GLMN: variants seen among roughly 807,000 people sequenced by gnomAD.
GLMN encodes the protein glomulin, FKBP associated protein.
GLMN carries 75 observed loss-of-function variants against 87.8 expected under a neutral mutation model. That is an observed-to-expected ratio of 0.85 (90% CI 0.71 to 1.04). The LOEUF (loss-of-function observed/expected upper bound fraction) is 1.04, where lower values mean the gene tolerates loss of function less well. GLMN is among the 50% of genes least tolerant of loss of function. The pLI is 0.00. For missense variants in GLMN, 588 were observed against 658.8 expected (o/e 0.89, Z 1.18); for synonymous variants, 206 against 221.6 (o/e 0.93, Z 0.63).
intron 7 of GLMN, among the ~76,000 whole-genome samples, chr1:92,277,228 T>C (rs1250675132): frequency 6.6e-6 from 1 of 152,204 alleles, no homozygotes; most frequent in African/African-American, 2.4e-5. Flanking sequence ...CAGGCTCCCA[T>C]CATTGCTTAC....
the GLMN span, chr1:92,323,495 CA>C: frequency 6.2e-7 from 1 of 1,613,156 alleles, no homozygotes; most frequent in Non-Finnish European, 8.5e-7. Flanking sequence ...ATTAAAACAT[CA>C]GATATCGACA....
chr1:92,294,214 C>T (rs1193795199), intron 3 of GLMN, among the ~76,000 whole-genome samples: 1 of 151,994 alleles, frequency 6.6e-6, no homozygotes, highest in African/African-American at 2.4e-5. Context: ...CTCATGTACC[C>T]ATCAATATAT....
the GLMN span, among the ~76,000 whole-genome samples, chr1:92,316,514 G>C: frequency 6.6e-6 from 1 of 152,062 alleles, no homozygotes; most frequent in African/African-American, 2.4e-5. Context: ...GTTATTTCTA[G>C]TTTTAGATTT....
At chr1:92,280,870 G>T (rs973381114) in intron 7 of GLMN, among the ~76,000 whole-genome samples, 4 of 152,176 alleles carry the variant, frequency 2.6e-5, no homozygotes, top group Non-Finnish European at 5.9e-5. Flanking sequence ...GGGTATCAGT[G>T]ACTGAAGATC....
At chr1:92,279,626 G>T (rs1647736671) in intron 7 of GLMN, among the ~76,000 whole-genome samples, 1 of 152,156 alleles carries the variant, frequency 6.6e-6, no homozygotes, top group African/African-American at 2.4e-5. Context: ...GCAGCCCACG[G>T]AGGGCAAGCT....
chr1:92,273,878 G>A (rs1316224368), intron 7 of GLMN, among the ~76,000 whole-genome samples: 1 of 152,048 alleles, frequency 6.6e-6, no homozygotes, highest in African/African-American at 2.4e-5. Flanking sequence ...CCATCCAGCA[G>A]TCTTGCTCAG....
At position 92,266,487 on chromosome 1, in the gene GLMN, T is replaced by C. The variant is rs139706617; in HGVS notation, c.1146A>G (p.Lys382=). ...ACAGCTGAAGCATAGCTAAACTCTTTTTCCTCTAAAATGGAACAAACAATA... is the reference window on the plus strand; with the variant it reads ...ACAGCTGAAGCATAGCTAAACTCTTCTTCCTCTAAAATGGAACAAACAATA... ...MTLCPIETLR[K]KSLAMLQLYI... is the part of the protein sequence containing the mutation. The change falls in exon 13 of 19, where the codon AAA becomes AAG. Residue 382 remains lysine (K), a synonymous_variant. Transcript: ENST00000370360. The C allele has an allele frequency of 1.8e-5, 28 of 1,551,868 alleles. No individual in the cohort carries two copies. The African/African-American group carries it at 3.5e-4, about 20-fold the overall frequency.
chr1:92,281,700 T>C (rs1031863962), intron 7 of GLMN, among the ~76,000 whole-genome samples: 5 of 151,972 alleles, frequency 3.3e-5, no homozygotes, highest in African/African-American at 1.2e-4. Flanking sequence ...TCAAAACCCA[T>C]TGGTGTGCTG....
chr1:92,275,725 C>T (rs1341139520), intron 7 of GLMN, among the ~76,000 whole-genome samples: 1 of 152,206 alleles, frequency 6.6e-6, no homozygotes, highest in African/African-American at 2.4e-5. Context: ...CTAAATCCTA[C>T]AGATGCTTTT....
At chr1:92,284,107 T>C (rs376644088) in intron 7 of GLMN, among the ~76,000 whole-genome samples, 1 of 152,122 alleles carries the variant, frequency 6.6e-6, no homozygotes, top group South Asian at 2.1e-4. Flanking sequence ...CTTCACAGAA[T>C]TGGAAAAAAC....
At chr1:92,366,678 A>C in the GLMN span, among the ~76,000 whole-genome samples, 1 of 152,246 alleles carries the variant, frequency 6.6e-6, no homozygotes, top group South Asian at 2.1e-4. Context: ...AATTACTTTC[A>C]TGCTAAGGAG....
Position 92,256,390 on chromosome 1 carries a change from C to T in GLMN, c.1473+6473G>A, listed in dbSNP as rs904645302. Among the ~76,000 whole-genome samples, 4 of 152,290 alleles carry T rather than the reference C, an allele frequency of 2.6e-5. No homozygotes were observed. The East Asian group carries it at 7.7e-4, about 29-fold the overall frequency. On this transcript the variant is annotated intron_variant, in intron 16 of 18. Coordinates refer to ENST00000370360, the MANE Select transcript of GLMN (RefSeq NM_053274.3). ...ACAATAGAAAAAGAGGGACTCCTCC[C>T]TAACTCATTTTATGAGGCCAGCATC...
the GLMN span, among the ~76,000 whole-genome samples, chr1:92,361,470 A>G: frequency 6.6e-6 from 1 of 152,162 alleles, no homozygotes; most frequent in Non-Finnish European, 1.5e-5. Context: ...CATAGATTTG[A>G]TAACACTGGT....
chr1:92,292,409 CTTAT>C (rs1012055841), intron 3 of GLMN, among the ~76,000 whole-genome samples: 16 of 151,528 alleles, frequency 1.1e-4, no homozygotes, highest in Admixed American at 5.9e-4. Context: ...TAAATACATT[CTTAT>C]TTATTTATTT....
intron 7 of GLMN, among the ~76,000 whole-genome samples, chr1:92,279,443 C>A (rs566021693): frequency 4.4e-5 from 5 of 114,198 alleles, no homozygotes; most frequent in Admixed American, 1.2e-4. Flanking sequence ...GGCAACAGAG[C>A]GAGACTCTGT....
intron 7 of GLMN, among the ~76,000 whole-genome samples, chr1:92,277,646 G>A (rs1398512442): frequency 6.6e-6 from 1 of 152,128 alleles, no homozygotes; most frequent in Admixed American, 6.6e-5. Context: ...ACATAATGAA[G>A]CCTCCATAAA....
At chr1:92,258,703 T>C (rs1000643411) in intron 16 of GLMN, among the ~76,000 whole-genome samples, 2 of 152,132 alleles carry the variant, frequency 1.3e-5, no homozygotes, top group Non-Finnish European at 2.9e-5. Context: ...AGTTGAACAA[T>C]TTGAACACAT....
intron 2 of GLMN, chr1:92,297,743 T>A (rs1427816511): frequency 6.3e-6 from 4 of 630,876 alleles, no homozygotes; most frequent in Non-Finnish European, 1.1e-5. Flanking sequence ...GTGAAATCTA[T>A]GAAAAGGATC....
At chr1:92,292,827 A>T (rs990126410) in intron 3 of GLMN, among the ~76,000 whole-genome samples, 12 of 150,604 alleles carry the variant, frequency 8.0e-5, no homozygotes, top group Middle Eastern at 3.2e-3. Flanking sequence ...CAGGAGTTCA[A>T]GACCAGCCTG....
Sources: allele counts gnomAD v4.1 joint callset (sites outside exome capture counted in the v4.1 genomes callset), GRCh38; gene constraint gnomAD v4.1.1; transcripts MANE v1.5; gene names NCBI Gene and HGNC (gene_info 2026-07-23, HGNC 2026-07-21).